The following TRIM62 variants were observed in gnomAD, a reference collection of about 807,000 sequenced individuals.
TRIM62 encodes tripartite motif containing 62, also known as E3 ubiquitin-protein ligase TRIM62.
A neutral mutation model predicts 44.2 loss-of-function variants in TRIM62; 39 were observed. The ratio of observed to expected loss-of-function variants is 0.88; its 90% CI spans 0.68 to 1.15. The LOEUF is 1.15. TRIM62 is among the 50% of genes most tolerant of loss of function. TRIM62 has a pLI of 0.00. For synonymous variants in TRIM62, 278 were observed against 292.3 expected (o/e 0.95, Z 0.50); for missense variants, 544 against 665.5 (o/e 0.82, Z 2.01).
chr1:33,164,369 C>G (rs537164892), intron 2 of TRIM62: 1 of 152,460 alleles, frequency 6.6e-6, no homozygotes, highest in African/African-American at 2.4e-5. Flanking sequence ...CGGGGTCAGC[C>G]TGAAATCACC....
chr1:33,149,610 A>G (rs1305095105), intron 4 of TRIM62, among the ~76,000 whole-genome samples: 1 of 151,002 alleles, frequency 6.6e-6, no homozygotes, highest in Non-Finnish European at 1.5e-5. Flanking sequence ...ATGCATCACT[A>G]TGCGCAGCTA....
In TRIM62 at chr1:33,154,135, CAT is replaced by C. The variant is rs558826229; in HGVS notation, c.877+4116_877+4117del. Among the ~76,000 whole-genome samples the C allele has an allele frequency of 1.6e-4, 24 of 151,880 alleles. No homozygotes were observed. In the East Asian group the frequency reaches 4.3e-3, roughly 27 times the overall value. On this transcript the variant is annotated intron_variant, in intron 4 of 4. Transcript: ENST00000291416. Reference sequence around the variant, plus strand: ...CGTGTAGATGAGGGAGAATACAAAACATGTAGATGAGGGAGAATATGGCTCAT... The same window carrying C: ...CGTGTAGATGAGGGAGAATACAAAACGTAGATGAGGGAGAATATGGCTCAT...
At chr1:33,168,387 C>CTT (rs5773395) in intron 1 of TRIM62, among the ~76,000 whole-genome samples, 10 of 150,572 alleles carry the variant, frequency 6.6e-5, no homozygotes, top group South Asian at 2.1e-4. Context: ...CTGAGAAAAA[C>CTT]TTTTTTTTTT....
chr1:33,152,319 A>G (rs961067088), intron 4 of TRIM62, among the ~76,000 whole-genome samples: 3 of 152,144 alleles, frequency 2.0e-5, no homozygotes, highest in Non-Finnish European at 4.4e-5. Context: ...TAATTCCAGC[A>G]CTTTGGGAGG....
chr1:33,181,469 A>T lies in TRIM62; in HGVS notation c.-37T>A. 1.3e-6 allele frequency: 2 copies of T among 1,546,912 alleles called. No homozygotes were observed. The highest frequency in any genetic ancestry group is 2.0e-4 in the Middle Eastern group (1 of 5,056). On this transcript the variant is annotated 5_prime_UTR_variant, in exon 1 of 5. Coordinates refer to ENST00000291416, the MANE Select transcript of TRIM62 (RefSeq NM_018207.3). This position sits in a 1 kb window ranked among gnomAD's most constrained non-coding sequence, Gnocchi z 6.5. ...CAGCAGAGAGGGGGGCCCGAGGGGC[A>T]GGGGGGCGGCTGAGAGAGCGCGGCG...
At position 33,181,022 on chromosome 1, in the gene TRIM62, C is replaced by T. The variant is rs752474798; in HGVS notation, c.408+3G>A. 1.4e-5 allele frequency: 20 copies of T among 1,457,094 alleles called. No homozygotes were observed. The East Asian group carries it at 1.9e-4, about 14-fold the overall frequency. 90.3% of individuals were successfully genotyped at this position (1,457,094 alleles called of 1,614,324 possible). On this transcript the variant is annotated splice_donor_region_variant and intron_variant, in intron 1 of 4. Transcript: ENST00000291416. This position sits in a 1 kb window ranked among gnomAD's most constrained non-coding sequence, Gnocchi z 6.5. ...CCTTCCCCAGGCAGGCCGGGTAGCG[C>T]ACCTGCAGCTCGTCGAAGGCGTCGT...
Position 33,159,350 on chromosome 1 carries a change from A to G in TRIM62, c.761+338T>C, listed in dbSNP as rs1429840591. On this transcript the variant is annotated intron_variant, in intron 3 of 4. Transcript: ENST00000291416. This position sits in a 1 kb window ranked among gnomAD's most constrained non-coding sequence, Gnocchi z 4.2. ...ACTATCTATAATGTATACAGAATAT[A>G]TTACATATATAATAATGTAAATATA... Among the ~76,000 whole-genome samples, 1 of 152,154 alleles carries G rather than the reference A, an allele frequency of 6.6e-6. No individual in the cohort carries two copies. The highest frequency in any genetic ancestry group is 1.9e-4 in the East Asian group (1 of 5,202).
chr1:33,173,391 G>A (rs562752050), intron 1 of TRIM62, among the ~76,000 whole-genome samples: 77 of 152,292 alleles, frequency 5.1e-4, no homozygotes, highest in African/African-American at 1.1e-3. Context: ...CAATGGGTGC[G>A]TGCATGTGTG....
chr1:33,176,510 G>C, intron 1 of TRIM62: 1 of 665,504 alleles, frequency 1.5e-6, no homozygotes, highest in Non-Finnish European at 2.8e-6. Context: ...GGGCGGCTGA[G>C]ACTGAATCGG....
intron 4 of TRIM62, among the ~76,000 whole-genome samples, chr1:33,154,755 G>T (rs1050835311): frequency 6.8e-6 from 1 of 147,240 alleles, no homozygotes; most frequent in Non-Finnish European, 1.5e-5. Context: ...CCGAGATCAC[G>T]CCACTGCACT....
intron 4 of TRIM62, among the ~76,000 whole-genome samples, chr1:33,154,062 CTA>C (rs1239926235): frequency 6.6e-6 from 1 of 152,160 alleles, no homozygotes; most frequent in Non-Finnish European, 1.5e-5. Flanking sequence ...CCATCAAAGA[CTA>C]AGGATTGTGT....
chr1:33,158,398 C>A (rs142087541), intron 3 of TRIM62, 30 bp from the exon 4 acceptor site: 1 of 1,596,084 alleles, frequency 6.3e-7, no homozygotes. Flanking sequence ...GGGGGCTGCA[C>A]CAGGGACTGG....
At chr1:33,172,953 A>G (rs1645385581) in intron 1 of TRIM62, among the ~76,000 whole-genome samples, 1 of 152,208 alleles carries the variant, frequency 6.6e-6, no homozygotes, top group Admixed American at 6.5e-5. Context: ...GATGGCACCT[A>G]TGACACGGCC....
At position 33,159,747 on chromosome 1, in the gene TRIM62, C is replaced by T. The variant is rs61737103; in HGVS notation, c.702G>A (p.Glu234=). 3,896 of 1,613,310 alleles carry T rather than the reference C, an allele frequency of 2.4e-3. 85 individuals are homozygous for T. The African/African-American group carries it at 0.046, about 19-fold the overall frequency. Residue 234 remains glutamate, a synonymous_variant, in exon 3 of 5, where the codon GAG becomes GAA. Transcript: ENST00000291416. The surrounding 1 kb of genome is among the most constrained non-coding windows in gnomAD (Gnocchi z 4.2). ...KVQEGAQILQ[E]RLAETDRHTF... is the part of the protein sequence containing the mutation. ...TGTGCCGGTCGGTTTCAGCCAGCCGCTCCTGCAGGATCTGGGCTCCCTCCT... is the reference window on the plus strand; with the variant it reads ...TGTGCCGGTCGGTTTCAGCCAGCCGTTCCTGCAGGATCTGGGCTCCCTCCT...
intron 4 of TRIM62, among the ~76,000 whole-genome samples, chr1:33,150,961 A>T (rs1162234025): frequency 2.0e-5 from 3 of 152,170 alleles, no homozygotes; most frequent in Admixed American, 6.5e-5. Context: ...CGCCTGGGTG[A>T]TTTGAGACCA....
At chr1:33,156,321 C>T (rs1645178452) in intron 4 of TRIM62, among the ~76,000 whole-genome samples, 1 of 152,232 alleles carries the variant, frequency 6.6e-6, no homozygotes, top group African/African-American at 2.4e-5. Context: ...TGGACCAGCT[C>T]CAACCAGGCT....
chr1:33,153,033 G>A (rs149656159), intron 4 of TRIM62, among the ~76,000 whole-genome samples: 28 of 138,576 alleles, frequency 2.0e-4, no homozygotes, highest in Non-Finnish European at 4.2e-4. Flanking sequence ...GCTGGGGGTG[G>A]GATAGAGGGG....
At chr1:33,148,808 C>A (rs1018423706) in intron 4 of TRIM62, among the ~76,000 whole-genome samples, 1 of 152,162 alleles carries the variant, frequency 6.6e-6, no homozygotes, top group Non-Finnish European at 1.5e-5. Flanking sequence ...AGATTGAAAA[C>A]CATGAATTCT....
At chr1:33,170,246 C>T (rs1645362456) in intron 1 of TRIM62, among the ~76,000 whole-genome samples, 1 of 151,890 alleles carries the variant, frequency 6.6e-6, no homozygotes, top group African/African-American at 2.4e-5. Context: ...GCAAGAATCG[C>T]TTTAACCCAG....
Sources: allele counts gnomAD v4.1 joint callset (sites outside exome capture counted in the v4.1 genomes callset), GRCh38; gene constraint gnomAD v4.1.1; non-coding constraint Gnocchi (gnomAD v3.1); transcripts MANE v1.5; gene names NCBI Gene and HGNC (gene_info 2026-07-23, HGNC 2026-07-21).